The following CLSTN1 variants were observed in gnomAD, a reference collection of about 807,000 sequenced individuals.
CLSTN1 encodes the protein calsyntenin-1.
Under a neutral mutation model 108.3 loss-of-function variants are expected in CLSTN1, and 28 were observed. That is an observed-to-expected ratio of 0.26 (90% confidence interval 0.19 to 0.35). The LOEUF is 0.35. Among genes scored for constraint, CLSTN1 ranks in the 10% least tolerant of loss-of-function variants. The pLI is 1.00. For missense variants in CLSTN1, 1,157 were observed against 1,302.6 expected, an observed-to-expected ratio of 0.89 and a Z score of 1.72; for synonymous variants, 524 against 534.9, an observed-to-expected ratio of 0.98 and a Z score of 0.28.
intron 1 of CLSTN1, among the ~76,000 whole-genome samples, chr1:9,797,253 T>A (rs1654050400): frequency 6.6e-6 from 1 of 151,498 alleles, no homozygotes; most frequent in Non-Finnish European, 1.5e-5. Context: ...AGAGTCTGAG[T>A]CCTGACTGGG....
intron 1 of CLSTN1, among the ~76,000 whole-genome samples, chr1:9,786,673 A>AAC (rs1553181009): frequency 6.7e-6 from 1 of 149,628 alleles, no homozygotes; most frequent in Non-Finnish European, 1.5e-5. Flanking sequence ...AAAAAAAAAA[A>AAC]CAAAGGTGAG....
chr1:9,793,989 C>T (rs911597368), intron 1 of CLSTN1, among the ~76,000 whole-genome samples: 17 of 151,440 alleles, frequency 1.1e-4, no homozygotes, highest in African/African-American at 3.9e-4. Context: ...AGAACTCTCC[C>T]GCTCCAACTT....
rs554203735 is a variant in CLSTN1, at chr1:9,773,529, T to A, written c.92-135A>T. On this transcript the variant is annotated intron_variant, in intron 1 of 18. Coordinates refer to ENST00000377298, the MANE Select transcript of CLSTN1 (RefSeq NM_001009566.3). Reference sequence around the variant, plus strand: ...CTTGAAGACAGTGCTCACAGTTCTGTCGCAAAATTTGGTATCAAGACCCAA... The same window carrying A: ...CTTGAAGACAGTGCTCACAGTTCTGACGCAAAATTTGGTATCAAGACCCAA... 3.4e-4 allele frequency: 300 copies of A among 891,770 alleles called. 5 individuals are homozygous for A. The South Asian group carries it at 7.0e-3, about 21-fold the overall frequency. 55.2% of individuals were successfully genotyped at this position (891,770 alleles called of 1,614,324 possible).
At chr1:9,802,397 T>G (rs1654311163) in intron 1 of CLSTN1, among the ~76,000 whole-genome samples, 1 of 152,232 alleles carries the variant, frequency 6.6e-6, no homozygotes, top group East Asian at 1.9e-4. Flanking sequence ...TCTTGTCAAC[T>G]CTGCAACTGT....
intron 1 of CLSTN1, among the ~76,000 whole-genome samples, chr1:9,777,035 G>A (rs1263783969): frequency 6.6e-6 from 1 of 151,814 alleles, no homozygotes; most frequent in African/African-American, 2.4e-5. Context: ...TGGCCAACAT[G>A]GTGAAACCCT....
chr1:9,822,014 A>C (rs2101363398), intron 1 of CLSTN1, among the ~76,000 whole-genome samples: 1 of 152,380 alleles, frequency 6.6e-6, no homozygotes, highest in African/African-American at 2.4e-5. Flanking sequence ...ATGACTAACA[A>C]ATGTAGGTGC....
At position 9,771,556 on chromosome 1, in the gene CLSTN1, G is replaced by C. The variant is rs189975292; in HGVS notation, c.214+1716C>G. ...TTGAACCCGGGAGGCAGAGGTTGCA[G>C]TGAGCTGAGATTGCACCACTGCACT... On this transcript the variant is annotated intron_variant, in intron 2 of 18. Transcript: ENST00000377298. Among the ~76,000 whole-genome samples, 440 of 152,282 alleles carry C rather than the reference G, an allele frequency of 2.9e-3. 2 individuals are homozygous for C. Among genetic ancestry groups the C allele is most frequent in the African/African-American group, 0.01 (424 of 41,544 alleles).
At chr1:9,761,374 T>A (rs1033547691) in intron 2 of CLSTN1, among the ~76,000 whole-genome samples, 2 of 151,962 alleles carry the variant, frequency 1.3e-5, no homozygotes, top group Admixed American at 6.6e-5. Flanking sequence ...GTGCCTGAGG[T>A]CCCGGCTACT....
chr1:9,775,560 G>A (rs938851411), intron 1 of CLSTN1, among the ~76,000 whole-genome samples: 6 of 151,848 alleles, frequency 4.0e-5, no homozygotes, highest in Non-Finnish European at 7.4e-5. Context: ...CCCTGAGCCA[G>A]CAGTATCTCC....
At chr1:9,820,545 C>T (rs544119131) in intron 1 of CLSTN1, among the ~76,000 whole-genome samples, 54 of 151,916 alleles carry the variant, frequency 3.6e-4, no homozygotes, top group Non-Finnish European at 7.2e-4. Context: ...AAAAAAAAAA[C>T]TTAAGTTTGC....
intron 1 of CLSTN1, among the ~76,000 whole-genome samples, chr1:9,782,155 A>T (rs1653280517): frequency 6.6e-6 from 1 of 152,214 alleles, no homozygotes; most frequent in East Asian, 1.9e-4. Flanking sequence ...TAATAATGTG[A>T]ACCAGGTCAT....
intron 2 of CLSTN1, among the ~76,000 whole-genome samples, chr1:9,759,661 C>T (rs1000716607): frequency 1.8e-4 from 28 of 152,230 alleles, no homozygotes; most frequent in Non-Finnish European, 2.6e-4. Context: ...TGCTTTCACA[C>T]TGCAAGGGCA....
chr1:9,805,891 T>A (rs1654487064), intron 1 of CLSTN1, among the ~76,000 whole-genome samples: 1 of 149,882 alleles, frequency 6.7e-6, no homozygotes, highest in African/African-American at 2.5e-5. Context: ...AAAAAAGTTA[T>A]TTAAGTCACC....
intron 1 of CLSTN1, among the ~76,000 whole-genome samples, chr1:9,792,915 G>C (rs1291502909): frequency 6.6e-6 from 1 of 151,322 alleles, no homozygotes; most frequent in Non-Finnish European, 1.5e-5. Flanking sequence ...AGGGGGCAGG[G>C]GAAGAGACAG....
chr1:9,748,602 C>A (rs781338292), intron 7 of CLSTN1, among the ~76,000 whole-genome samples: 18 of 152,190 alleles, frequency 1.2e-4, no homozygotes, highest in Non-Finnish European at 2.5e-4. Flanking sequence ...ATCCTCCTCC[C>A]TCAGCCCCCC....
intron 1 of CLSTN1, among the ~76,000 whole-genome samples, chr1:9,805,023 G>A (rs1226385336): frequency 6.6e-6 from 1 of 151,616 alleles, no homozygotes; most frequent in Non-Finnish European, 1.5e-5. Flanking sequence ...TCGGGAGTGA[G>A]GCAGGAGAAT....
At chr1:9,745,103 AAT>A (rs1372842495) in intron 7 of CLSTN1, among the ~76,000 whole-genome samples, 1 of 152,152 alleles carries the variant, frequency 6.6e-6, no homozygotes, top group African/African-American at 2.4e-5. Flanking sequence ...CAAAAATAAA[AAT>A]AACAACCATG....
At chr1:9,798,872 TTG>T (rs1654129251) in intron 1 of CLSTN1, among the ~76,000 whole-genome samples, 1 of 152,108 alleles carries the variant, frequency 6.6e-6, no homozygotes, top group East Asian at 1.9e-4. Context: ...CACAAGGCAA[TTG>T]CTGCCCCCCA....
Position 9,823,119 on chromosome 1 carries a change from G to A in CLSTN1, c.91+524C>T, listed in dbSNP as rs1014882933. 2.0e-5 allele frequency among the ~76,000 whole-genome samples: 3 copies of A among 152,194 alleles called. No homozygotes were observed. The highest frequency in any genetic ancestry group is 7.2e-5 in the African/African-American group (3 of 41,446). ...TCCGCGGTGCAGCAACACAGAATCG[G>A]GATCTTGGAAACGGGATGCGGAGGA... On this transcript the variant is annotated intron_variant, in intron 1 of 18. Coordinates refer to ENST00000377298, the MANE Select transcript of CLSTN1 (RefSeq NM_001009566.3). This position sits in a 1 kb window ranked among gnomAD's most constrained non-coding sequence, Gnocchi z 6.3.
Sources: gnomAD v4.1 joint callset for allele counts (sites outside exome capture counted in the v4.1 genomes callset) on GRCh38, gnomAD v4.1.1 for gene constraint, Gnocchi (gnomAD v3.1) non-coding constraint, MANE v1.5 for transcripts, NCBI Gene and HGNC (gene_info 2026-07-23, HGNC 2026-07-21) for gene names.